The following DMXL2 variants were observed in gnomAD, a reference collection of about 807,000 sequenced individuals.
DMXL2 encodes dmX-like protein 2.
A neutral mutation model predicts 331.1 loss-of-function variants in DMXL2; 103 were observed. The observed-to-expected ratio is 0.31, with a 90% CI of 0.27 to 0.37. The LOEUF is 0.37. DMXL2 is among the 10% of genes least tolerant of loss of function. The pLI is 1.00. For missense variants in DMXL2, 3,171 were observed against 3,642.9 expected (o/e 0.87, Z 3.33); for synonymous variants, 1,281 against 1,252.1 (o/e 1.02, Z -0.49).
intron 20 of DMXL2, 137 bp downstream of exon 20, chr15:51,491,441 C>A: frequency 2.5e-6 from 2 of 799,448 alleles, no homozygotes; most frequent in Non-Finnish European, 3.8e-6. Flanking sequence ...AATTCCATCT[C>A]CAAAAAAAAA....
chr15:51,490,643 T>C (rs2042728884), intron 20 of DMXL2, among the ~76,000 whole-genome samples: 1 of 152,170 alleles, frequency 6.6e-6, no homozygotes, highest in Non-Finnish European at 1.5e-5. Context: ...ATGGAGATGA[T>C]GACATGGGGT....
At chr15:51,471,084 TG>T in intron 29 of DMXL2, 138 bp downstream of exon 29, 2 of 738,696 alleles carry the variant, frequency 2.7e-6, no homozygotes, top group East Asian at 2.7e-5. Flanking sequence ...ATTCAGTTTC[TG>T]GACTTAATAA....
chr15:51,523,586 G>A (rs767036376), intron 13 of DMXL2, among the ~76,000 whole-genome samples: 1 of 152,212 alleles, frequency 6.6e-6, no homozygotes, highest in Non-Finnish European at 1.5e-5. Flanking sequence ...ATTACAGTAG[G>A]TGCAAAATCT....
intron 43 of DMXL2, among the ~76,000 whole-genome samples, chr15:51,449,873 C>T (rs781260266): frequency 6.6e-6 from 1 of 152,032 alleles, no homozygotes; most frequent in Non-Finnish European, 1.5e-5. Context: ...TAAACTCATA[C>T]ACTTTACTCA....
chr15:51,541,717 A>G (rs1400765353), intron 9 of DMXL2, among the ~76,000 whole-genome samples: 1 of 152,140 alleles, frequency 6.6e-6, no homozygotes, highest in Non-Finnish European at 1.5e-5. Context: ...TGTAATATAA[A>G]ATTTATAGCC....
At chr15:51,510,099 C>A (rs1217210620) in intron 15 of DMXL2, among the ~76,000 whole-genome samples, 1 of 152,178 alleles carries the variant, frequency 6.6e-6, no homozygotes, top group Non-Finnish European at 1.5e-5. Context: ...CAGCCAATAT[C>A]ATGCTGAATG....
chr15:51,592,693 C>T (rs1460049851), intron 1 of DMXL2, among the ~76,000 whole-genome samples: 1 of 152,214 alleles, frequency 6.6e-6, no homozygotes, highest in Non-Finnish European at 1.5e-5. Flanking sequence ...AATGGAAGCC[C>T]ATCAGACTAA....
intron 15 of DMXL2, 85 bp downstream of exon 15, chr15:51,514,357 C>T (rs1397249787): frequency 2.6e-6 from 2 of 771,894 alleles, no homozygotes; most frequent in East Asian, 2.9e-5. Context: ...AGAGTGGTAA[C>T]TTTTGAAGAT....
rs893492501 is a variant in DMXL2 at position 51,488,486 on chromosome 15, GT to G, written c.5051+61del. The G allele has an allele frequency of 3.5e-5, 49 of 1,393,436 alleles. No individual in the cohort carries two copies. In the South Asian group the frequency reaches 4.1e-4, roughly 12 times the overall value. 86.3% of individuals were successfully genotyped at this position (1,393,436 alleles called of 1,614,324 possible). A position where few individuals can be genotyped will look rare whatever the true frequency, so the allele number is the denominator to read the frequency against. ...ACCTAATTATTTTCAAAAGCATTAG[GT>G]TTCTTACTCACAGCACAATCTTCAT... On this transcript the variant is annotated intron_variant, in intron 21 of 43. Transcript: ENST00000560891.
chr15:51,453,167 C>G (rs552613198), intron 41 of DMXL2: 3 of 178,148 alleles, frequency 1.7e-5, no homozygotes, highest in Admixed American at 6.1e-5. Flanking sequence ...GCACCAAAAT[C>G]TCAGCAATCA....
intron 20 of DMXL2, among the ~76,000 whole-genome samples, chr15:51,489,473 G>A (rs555314294): frequency 6.6e-6 from 1 of 152,106 alleles, no homozygotes; most frequent in Admixed American, 6.5e-5. Context: ...TCTGGCCAAC[G>A]TGGTGAAACC....
chr15:51,592,849 T>C lies in DMXL2; in HGVS notation c.88-16668A>G, dbSNP rs140550914. On this transcript the variant is annotated intron_variant, in intron 1 of 43. Coordinates refer to ENST00000560891, the MANE Select transcript of DMXL2 (RefSeq NM_001378457.1). ...AGTGAAGGAGAAATAAAATCCTTTATAGACAAGCAAATGCTGAGAGATTTT... is the reference window on the plus strand; with the variant it reads ...AGTGAAGGAGAAATAAAATCCTTTACAGACAAGCAAATGCTGAGAGATTTT... Among the ~76,000 whole-genome samples, 1,407 of 152,146 alleles carry C rather than the reference T, an allele frequency of 9.2e-3. 9 individuals are homozygous for C. The highest frequency in any genetic ancestry group is 0.02 in the Middle Eastern group (6 of 294).
In DMXL2 at chr15:51,500,241, G is replaced by T; in HGVS notation, c.2993-10C>A. 6.4e-7 allele frequency: 1 copy of T among 1,571,086 alleles called. No homozygotes were observed. Among genetic ancestry groups the T allele is most frequent in the Non-Finnish European group, 8.6e-7 (1 of 1,163,638 alleles). On this transcript the variant is annotated splice_polypyrimidine_tract_variant and intron_variant, in intron 17 of 43. Coordinates refer to ENST00000560891, the MANE Select transcript of DMXL2 (RefSeq NM_001378457.1). The stretch of plus-strand genomic sequence containing the variant: ...GAAGAACTCAGATGGCCTTAAAAAA[G>T]AAAAAGCAAATAGTTAGTTGTAATA...
intron 2 of DMXL2, among the ~76,000 whole-genome samples, chr15:51,575,528 G>T (rs1035469202): frequency 1.3e-5 from 2 of 152,026 alleles, no homozygotes; most frequent in African/African-American, 4.8e-5. Flanking sequence ...TACATATGAT[G>T]AAATTTTAAC....
chr15:51,495,756 A>G (rs1054390782), intron 18 of DMXL2, among the ~76,000 whole-genome samples: 1 of 152,190 alleles, frequency 6.6e-6, no homozygotes, highest in Non-Finnish European at 1.5e-5. Flanking sequence ...GCTGGATAAA[A>G]GCAAAGCAAA....
intron 8 of DMXL2, 36 bp downstream of exon 8, chr15:51,545,547 T>C (rs747816911): frequency 3.2e-6 from 5 of 1,580,738 alleles, no homozygotes; most frequent in Non-Finnish European, 4.3e-6. Flanking sequence ...TCACATTATC[T>C]TCAAAATTCA....
At chr15:51,613,063 T>A (rs1006715571) in intron 1 of DMXL2, among the ~76,000 whole-genome samples, 7 of 152,262 alleles carry the variant, frequency 4.6e-5, no homozygotes, top group Non-Finnish European at 1.0e-4. Flanking sequence ...GTTATCTCCC[T>A]TGTTCCCTGA....
At position 51,481,237 on chromosome 15, in the gene DMXL2, A is replaced by C; in HGVS notation, c.5869T>G (p.Ser1957Ala). 1 of 1,613,966 alleles carries C rather than the reference A, an allele frequency of 6.2e-7. No individual in the cohort carries two copies. Among genetic ancestry groups the C allele is most frequent in the Non-Finnish European group, 8.5e-7 (1 of 1,179,914 alleles). ...GGCTGACTCCAGTCATACTGTGATGAAGTTACATTTGACCATTCAATGCCA... is the reference window on the plus strand; with the variant it reads ...GGCTGACTCCAGTCATACTGTGATGCAGTTACATTTGACCATTCAATGCCA... Reference protein sequence around the residue: ...SSGIEWSNVTSSQYDWSQPIV... With the variant: ...SSGIEWSNVTASQYDWSQPIV... Residue 1957 changes from serine to alanine, a missense_variant, in exon 24 of 44, where the codon TCA (serine) becomes GCA (alanine). Physicochemically the swap from Ser to Ala is moderately conservative, Grantham distance 99 (BLOSUM62 1). This residue lies in a region of DMXL2 where 244 missense variants were observed against 251.4 expected (regional missense o/e 0.97). Transcript: ENST00000560891.
rs1357139739 is a variant in DMXL2, at chr15:51,498,779, A to G, written c.4445T>C (p.Ile1482Thr). 8.7e-6 allele frequency: 14 copies of G among 1,614,096 alleles called. No individual in the cohort carries two copies. The highest frequency in any genetic ancestry group is 2.2e-5 in the East Asian group (1 of 44,896). ...TTCTCTCTTTTCAGGCTCTAAATCA[A>G]TATCATCCGTTGGTATATCCTGGAT... ...FQIQDIPTDDIDLEPEKRENK... is the reference protein window; with the variant it reads ...FQIQDIPTDDTDLEPEKRENK... The change falls in exon 18 of 44, where the codon ATT becomes ACT. Residue 1482 changes from isoleucine (I) to threonine (T), a missense_variant. Physicochemically the swap from Ile to Thr is moderately conservative, Grantham distance 89. Coordinates refer to ENST00000560891, the MANE Select transcript of DMXL2 (RefSeq NM_001378457.1).
Sources: gnomAD v4.1 joint callset for allele counts (sites outside exome capture counted in the v4.1 genomes callset) on GRCh38, gnomAD v4.1.1 for gene constraint, gnomAD v4.1.1 regional missense constraint, MANE v1.5 for transcripts, NCBI Gene and HGNC (gene_info 2026-07-23, HGNC 2026-07-21) for gene names.